The following TYW1B variants were observed in gnomAD, a reference collection of about 807,000 sequenced individuals.
The protein encoded by TYW1B is tRNA-yW synthesizing protein 1 homolog B.
TYW1B carries 73 observed loss-of-function variants against 86.9 expected under a neutral mutation model. The ratio of observed to expected loss-of-function variants is 0.84; its 90% CI spans 0.70 to 1.02. The LOEUF is 1.02. TYW1B is among the 50% of genes least tolerant of loss of function. The pLI is 0.00. For synonymous variants in TYW1B, 248 were observed against 292.8 expected, an observed-to-expected ratio of 0.85 and a Z score of 1.56; for missense variants, 637 against 827.4, an observed-to-expected ratio of 0.77 and a Z score of 2.82.
At chr7:72,806,977 A>G in intron 5 of TYW1B, 89 bp downstream of exon 5, 1 of 1,502,120 alleles carries the variant, frequency 6.7e-7, no homozygotes, top group Non-Finnish European at 9.0e-7. Flanking sequence ...ACCAGAAGCC[A>G]ACGAGATGGT....
At chr7:72,630,581 T>C (rs1428360418) in intron 11 of TYW1B, among the ~76,000 whole-genome samples, 1 of 151,806 alleles carries the variant, frequency 6.6e-6, no homozygotes, top group African/African-American at 2.4e-5. Context: ...GTTTGAAGAC[T>C]TCCAACATTA....
chr7:72,672,216 T>C (rs1348402984), intron 11 of TYW1B, among the ~76,000 whole-genome samples: 1 of 152,070 alleles, frequency 6.6e-6, no homozygotes, highest in Admixed American at 6.6e-5. Context: ...CCATCATGAT[T>C]GGGAGGCTTC....
chr7:72,646,162 C>G (rs1443111331), intron 11 of TYW1B, among the ~76,000 whole-genome samples: 1 of 151,806 alleles, frequency 6.6e-6, no homozygotes, highest in African/African-American at 2.4e-5. Context: ...TCAAAAGATT[C>G]TCCTACCTCA....
At chr7:72,701,912 T>A (rs1814485792) in intron 10 of TYW1B, among the ~76,000 whole-genome samples, 1 of 152,178 alleles carries the variant, frequency 6.6e-6, no homozygotes, top group Non-Finnish European at 1.5e-5. Context: ...TTTGCAACTC[T>A]GCCTTGGTTT....
rs1296113401 is a variant in TYW1B at position 72,621,502 on chromosome 7, C to A, written c.1618-4663G>T. Among the ~76,000 whole-genome samples, 8 of 152,360 alleles carry A rather than the reference C, an allele frequency of 5.3e-5. No homozygotes were observed. In the East Asian group the frequency reaches 1.5e-3, roughly 29 times the overall value. On this transcript the variant is annotated intron_variant, in intron 12 of 13. Coordinates refer to ENST00000620995, the MANE Select transcript of TYW1B (RefSeq NM_001145440.3). ...ATGCACAAGTAACTCTAGAGCTGGA[C>A]TGCCCACTCAGCATCCTGTCTGCAC...
At chr7:72,752,588 G>A (rs1451515401) in intron 7 of TYW1B, among the ~76,000 whole-genome samples, 15 of 151,952 alleles carry the variant, frequency 9.9e-5, no homozygotes, top group South Asian at 2.1e-4. Flanking sequence ...AAAATTAGCC[G>A]GGCATGGTGG....
At chr7:72,821,975 G>A (rs192900121) in intron 2 of TYW1B, among the ~76,000 whole-genome samples, 2 of 151,846 alleles carry the variant, frequency 1.3e-5, no homozygotes, top group African/African-American at 2.4e-5. Context: ...GGCCAGGCAC[G>A]TGGCTCAAGC....
chr7:72,658,255 A>T (rs1168622465), intron 11 of TYW1B, among the ~76,000 whole-genome samples: 1 of 147,084 alleles, frequency 6.8e-6, no homozygotes, highest in Non-Finnish European at 1.5e-5. Flanking sequence ...CGTCTCAATA[A>T]AAAAAAAAAA....
At chr7:72,784,887 A>T (rs554772276) in intron 6 of TYW1B, among the ~76,000 whole-genome samples, 17 of 151,250 alleles carry the variant, frequency 1.1e-4, no homozygotes, top group Non-Finnish European at 1.9e-4. Context: ...ATTGCCTCCC[A>T]CTGCCTTCAG....
At chr7:72,603,520 C>A (rs1811725387) in intron 13 of TYW1B, among the ~76,000 whole-genome samples, 1 of 152,208 alleles carries the variant, frequency 6.6e-6, no homozygotes, top group Admixed American at 6.5e-5. Flanking sequence ...ACTCTGCCCT[C>A]AAGGACGGGG....
At chr7:72,666,418 C>G (rs1414704234) in intron 11 of TYW1B, among the ~76,000 whole-genome samples, 8 of 151,816 alleles carry the variant, frequency 5.3e-5, no homozygotes, top group African/African-American at 2.4e-5. Flanking sequence ...AGAGCAAAAC[C>G]CTGTCTCAAA....
chr7:72,651,754 A>C (rs1209956254), intron 11 of TYW1B, among the ~76,000 whole-genome samples: 3 of 152,200 alleles, frequency 2.0e-5, no homozygotes, highest in African/African-American at 7.2e-5. Flanking sequence ...TCAAAAGAAA[A>C]AACTGGCAAG....
At chr7:72,604,280 T>C (rs1185679760) in intron 13 of TYW1B, among the ~76,000 whole-genome samples, 4 of 152,048 alleles carry the variant, frequency 2.6e-5, no homozygotes, top group African/African-American at 9.7e-5. Flanking sequence ...CTAGCCAACA[T>C]GGTGAAACCC....
At chr7:72,787,398 G>A (rs1554472642) in intron 6 of TYW1B, among the ~76,000 whole-genome samples, 4 of 152,062 alleles carry the variant, frequency 2.6e-5, no homozygotes, top group South Asian at 2.1e-4. Context: ...AGGAGGCAGA[G>A]GTTGCAGTGA....
At chr7:72,748,039 G>C (rs1787425506) in intron 7 of TYW1B, among the ~76,000 whole-genome samples, 1 of 152,152 alleles carries the variant, frequency 6.6e-6, no homozygotes, top group African/African-American at 2.4e-5. Context: ...GGGAGGCCAA[G>C]GCGGGTGGAT....
intron 10 of TYW1B, among the ~76,000 whole-genome samples, chr7:72,695,299 A>G (rs1814289451): frequency 6.6e-6 from 1 of 152,168 alleles, no homozygotes; most frequent in Non-Finnish European, 1.5e-5. Flanking sequence ...TATTCAAAGG[A>G]CGCTGAGTCA....
intron 7 of TYW1B, among the ~76,000 whole-genome samples, chr7:72,774,657 G>A (rs1310312639): frequency 6.6e-6 from 1 of 152,110 alleles, no homozygotes; most frequent in South Asian, 2.1e-4. Flanking sequence ...CTTGAACCTG[G>A]GAGGCAGAGG....
Position 72,810,617 on chromosome 7 carries a change from C to G in TYW1B, c.286G>C (p.Gly96Arg). Reference sequence around the variant, plus strand: ...CACTCTGCACTTTCGGTTGGTAGGCCGTCAGTGTATGTCGCAACCAGGAAG... The same window carrying G: ...CACTCTGCACTTTCGGTTGGTAGGCGGTCAGTGTATGTCGCAACCAGGAAG... Reference protein sequence around the residue: ...CVFLVATYTDGLPTESAEWFC... With the variant: ...CVFLVATYTDRLPTESAEWFC... The change falls in exon 4 of 14, where the codon GGC becomes CGC. Residue 96 changes from glycine to arginine, a missense_variant. Coordinates refer to ENST00000620995, the MANE Select transcript of TYW1B (RefSeq NM_001145440.3). The G allele has an allele frequency of 6.2e-7, 1 of 1,613,750 alleles. No individual in the cohort carries two copies. The highest frequency in any genetic ancestry group is 8.5e-7 in the Non-Finnish European group (1 of 1,179,808).
rs1814274181 is a variant in TYW1B, at chr7:72,694,791, T to G, written c.1402A>C (p.Ser468Arg). ...NLEPVTQLYV[S>R]VDASTKDSLK... The stretch of plus-strand genomic sequence containing the variant: ...CTGTCTTTGGTACTGGCATCCACAC[T>G]GACATACAGCTGAGTAACTGGCTCG... Residue 468 changes from serine to arginine, a missense_variant, in exon 11 of 14, where the codon AGT becomes CGT. Physicochemically the swap from Ser to Arg is moderately radical, Grantham distance 110. Transcript: ENST00000620995. 1.2e-6 allele frequency: 2 copies of G among 1,607,124 alleles called. No homozygotes were observed. Among genetic ancestry groups the G allele is most frequent in the Non-Finnish European group, 1.7e-6 (2 of 1,178,016 alleles).
Sources: gnomAD v4.1 joint callset for allele counts (sites outside exome capture counted in the v4.1 genomes callset) on GRCh38, gnomAD v4.1.1 for gene constraint, MANE v1.5 for transcripts, NCBI Gene and HGNC (gene_info 2026-07-23, HGNC 2026-07-21) for gene names.